Variants in PAPSS2 observed in about 807,000 individuals in gnomAD.
PAPSS2 encodes the protein 3'-phosphoadenosine 5'-phosphosulfate synthase 2.
In PAPSS2, 61 loss-of-function variants were observed where a neutral mutation model predicts 66.5. That is an observed-to-expected ratio of 0.92 (90% CI 0.75 to 1.14). The LOEUF (loss-of-function observed/expected upper bound fraction) is 1.14. Among genes scored for constraint, PAPSS2 ranks in the 50% most tolerant of loss-of-function variants. PAPSS2 has a pLI of 0.00. For missense variants in PAPSS2, 708 were observed against 789.6 expected (o/e 0.90, Z 1.24); for synonymous variants, 289 against 287.5 (o/e 1.01, Z -0.05).
At chr10:87,678,667 C>G (rs1852979646) in intron 1 of PAPSS2, among the ~76,000 whole-genome samples, 1 of 151,792 alleles carries the variant, frequency 6.6e-6, no homozygotes, top group Non-Finnish European at 1.5e-5. Flanking sequence ...AAATGGCCAA[C>G]AGATATGTGA....
At chr10:87,707,784 C>T (rs1853412005) in intron 1 of PAPSS2, among the ~76,000 whole-genome samples, 1 of 152,124 alleles carries the variant, frequency 6.6e-6, no homozygotes, top group East Asian at 1.9e-4. Context: ...GTTGCCCAGG[C>T]TGATCTCAAA....
chr10:87,682,361 A>G (rs966143656), intron 1 of PAPSS2, among the ~76,000 whole-genome samples: 1 of 152,232 alleles, frequency 6.6e-6, no homozygotes, highest in East Asian at 1.9e-4. Context: ...CAGATGAACC[A>G]GGAAGACCCT....
Position 87,715,039 on chromosome 10 carries a change from A to G in PAPSS2, c.694A>G (p.Asn232Asp), listed in dbSNP as rs1484015930. ...TATCCACGAACTCTTTGTGCCGGAA[A>G]ACAAACTTGACCACGTCCGAGCTGA... ...KDIHELFVPE[N>D]KLDHVRAEAE... Residue 232 changes from asparagine to aspartate, a missense_variant, in exon 6 of 13, where the codon AAC (asparagine) becomes GAC (aspartate). By Grantham distance (23) the Asn-to-Asp change is conservative. Transcript: ENST00000456849. The G allele has an allele frequency of 1.2e-6, 2 of 1,613,804 alleles. No homozygotes were observed. Among genetic ancestry groups the G allele is most frequent in the Non-Finnish European group, 1.7e-6 (2 of 1,179,682 alleles).
At chr10:87,736,694 A>T (rs897753024) in intron 9 of PAPSS2, among the ~76,000 whole-genome samples, 2 of 152,246 alleles carry the variant, frequency 1.3e-5, no homozygotes, top group Non-Finnish European at 2.9e-5. Flanking sequence ...GTAACTAACA[A>T]ACTGCTAAAT....
chr10:87,688,262 T>C (rs1320231829), intron 1 of PAPSS2, among the ~76,000 whole-genome samples: 5 of 151,868 alleles, frequency 3.3e-5, no homozygotes, highest in Admixed American at 2.6e-4. Context: ...ATGGAAATTA[T>C]TGTTAGAGTT....
intron 1 of PAPSS2, among the ~76,000 whole-genome samples, chr10:87,674,923 C>A (rs1014740983): frequency 1.3e-5 from 2 of 152,178 alleles, no homozygotes; most frequent in African/African-American, 2.4e-5. Flanking sequence ...GGGTAAGAAA[C>A]CTCCATGCAT....
Position 87,745,936 on chromosome 10 carries a change from T to TGACAGATTATTACAGGTCCC in PAPSS2, c.1827_1846dup (p.Leu616ArgfsTer33). On this transcript the variant is annotated frameshift_variant, in exon 13 of 13. Transcript: ENST00000456849. LOFTEE classifies it high-confidence loss of function. Reference sequence around the variant, plus strand: ...ATGGCCCCCAAAGCATGGAAGGTCCTGACAGATTATTACAGGTCCCTGGAG... The same window carrying TGACAGATTATTACAGGTCCC: ...ATGGCCCCCAAAGCATGGAAGGTCCTGACAGATTATTACAGGTCCCGACAGATTATTACAGGTCCCTGGAG... 6.2e-7 allele frequency: 1 copy of TGACAGATTATTACAGGTCCC among 1,614,134 alleles called. No homozygotes were observed. Among genetic ancestry groups the TGACAGATTATTACAGGTCCC allele is most frequent in the Non-Finnish European group, 8.5e-7 (1 of 1,179,982 alleles).
intron 1 of PAPSS2, among the ~76,000 whole-genome samples, chr10:87,687,172 C>A (rs1341771478): frequency 6.6e-6 from 1 of 152,060 alleles, no homozygotes; most frequent in African/African-American, 2.4e-5. Context: ...GAGCTGCAGG[C>A]CTTGTGTGTG....
chr10:87,666,882 C>T (rs1271896296), intron 1 of PAPSS2, among the ~76,000 whole-genome samples: 1 of 152,040 alleles, frequency 6.6e-6, no homozygotes, highest in African/African-American at 2.4e-5. Flanking sequence ...GAAACCCACC[C>T]TCTTTTCCTC....
chr10:87,678,966 A>ATAC (rs1194492608), intron 1 of PAPSS2, among the ~76,000 whole-genome samples: 5 of 152,212 alleles, frequency 3.3e-5, no homozygotes, highest in Non-Finnish European at 1.5e-5. Flanking sequence ...TATCAAAGAG[A>ATAC]TACCTACATT....
chr10:87,689,929 T>C (rs1853148338), intron 1 of PAPSS2, among the ~76,000 whole-genome samples: 1 of 152,158 alleles, frequency 6.6e-6, no homozygotes, highest in African/African-American at 2.4e-5. Context: ...TTGGTAGAAA[T>C]CCAAAAGTCT....
intron 1 of PAPSS2, among the ~76,000 whole-genome samples, chr10:87,670,580 A>G (rs1437096815): frequency 2.0e-5 from 3 of 151,176 alleles, no homozygotes; most frequent in African/African-American, 7.3e-5. Context: ...GATGGAGCAC[A>G]CACACACACA....
At chr10:87,679,120 A>C (rs922309503) in intron 1 of PAPSS2, among the ~76,000 whole-genome samples, 9 of 152,234 alleles carry the variant, frequency 5.9e-5, no homozygotes, top group African/African-American at 1.9e-4. Flanking sequence ...AAATCATGTC[A>C]TTTGCAGCAA....
At chr10:87,735,327 A>G (rs1299632985) in intron 9 of PAPSS2, among the ~76,000 whole-genome samples, 1 of 152,172 alleles carries the variant, frequency 6.6e-6, no homozygotes, top group African/African-American at 2.4e-5. Flanking sequence ...CATAGTTTTA[A>G]CATCTCTCTT....
chr10:87,727,512 G>A (rs1388567394), intron 9 of PAPSS2, 23 bp downstream of exon 9: 2 of 1,576,428 alleles, frequency 1.3e-6, no homozygotes, highest in Admixed American at 1.7e-5. Context: ...ACCTTTGGAA[G>A]GACTTTCTTG....
chr10:87,734,678 T>C lies in PAPSS2; in HGVS notation c.1087-6557T>C, dbSNP rs1457779811. On this transcript the variant is annotated intron_variant, in intron 9 of 12. Transcript: ENST00000456849. The stretch of plus-strand genomic sequence containing the variant: ...GAATGTGTGTGTATATATATATATA[T>C]ATATATATATATATATATATATATA... 2.8e-4 allele frequency among the ~76,000 whole-genome samples: 32 copies of C among 116,192 alleles called. 1 individual carries two copies. The highest frequency in any genetic ancestry group is 2.0e-3 in the South Asian group (7 of 3,570). 76.2% of individuals were successfully genotyped at this position (116,192 alleles called of 152,430 possible).
At chr10:87,745,253 C>A (rs1422982768) in intron 12 of PAPSS2, 22 bp downstream of exon 12, 3 of 1,556,366 alleles carry the variant, frequency 1.9e-6, no homozygotes, top group Admixed American at 1.9e-5. Flanking sequence ...GAGGAAAATT[C>A]TTTTATCAAC....
At chr10:87,741,877 C>T (rs566757590) in intron 10 of PAPSS2, among the ~76,000 whole-genome samples, 41 of 152,292 alleles carry the variant, frequency 2.7e-4, no homozygotes, top group African/African-American at 9.6e-4. Context: ...CAACCTTAAC[C>T]TCACAAGTAG....
chr10:87,743,341 G>C (rs752296389), intron 10 of PAPSS2, 32 bp from the exon 11 acceptor site: 2 of 1,610,904 alleles, frequency 1.2e-6, no homozygotes, highest in Admixed American at 3.3e-5. Flanking sequence ...ATGTGTTTCT[G>C]TGACCTTCCT....
Sources: gnomAD v4.1 joint callset for allele counts (sites outside exome capture counted in the v4.1 genomes callset) on GRCh38, gnomAD v4.1.1 for gene constraint, MANE v1.5 for transcripts, NCBI Gene and HGNC (gene_info 2026-07-23, HGNC 2026-07-21) for gene names.